The following TECPR2 variants were observed in gnomAD, a reference collection of about 807,000 sequenced individuals.
TECPR2 encodes tectonin beta-propeller repeat-containing protein 2.
Under a neutral mutation model 138.1 loss-of-function variants are expected in TECPR2, and 65 were observed. The observed-to-expected ratio is 0.47, with a 90% CI of 0.39 to 0.58. TECPR2 has a LOEUF of 0.58. Among genes scored for constraint, TECPR2 ranks in the 20% least tolerant of loss-of-function variants. TECPR2 has a pLI of 0.00. For synonymous variants in TECPR2, 746 were observed against 749.8 expected (o/e 0.99, Z 0.08); for missense variants, 1,553 against 1,824.5 (o/e 0.85, Z 2.71).
intron 17 of TECPR2, among the ~76,000 whole-genome samples, chr14:102,466,012 A>G (rs1041708901): frequency 6.6e-6 from 1 of 152,152 alleles, no homozygotes; most frequent in African/African-American, 2.4e-5. Context: ...GAAGTTGCCA[A>G]TTGTGGAGGC....
At chr14:102,490,227 G>A (rs1321052187) in intron 17 of TECPR2, among the ~76,000 whole-genome samples, 3 of 152,184 alleles carry the variant, frequency 2.0e-5, no homozygotes, top group Non-Finnish European at 2.9e-5. Context: ...CTCTCAGACC[G>A]TAAGAAATCG....
intron 2 of TECPR2, among the ~76,000 whole-genome samples, chr14:102,384,232 A>AT (rs928064846): frequency 1.7e-4 from 25 of 151,260 alleles, no homozygotes; most frequent in Admixed American, 1.2e-3. Context: ...AGTTGTTTTT[A>AT]TTTTTTTACT....
At chr14:102,437,877 GTTGGGAGAAGGGTTGAC>G in intron 9 of TECPR2, 128 bp from the exon 10 acceptor site, 1 of 906,052 alleles carries the variant, frequency 1.1e-6, no homozygotes, top group Admixed American at 2.4e-5. Flanking sequence ...GATAGCAGGG[GTTGGGAGAAGGGTTGAC>G]TTGGCGTCTT....
rs1890174057 is a variant in TECPR2 at position 102,452,575 on chromosome 14, C to T, written c.3588C>T (p.Ser1196=). Residue 1196 remains serine (S), a synonymous_variant, in exon 16 of 20, where the codon TCC becomes TCT. Transcript: ENST00000359520. ...GCCAGGTGTTCATCAGGACGCTCTC[C>T]AAGAGCTGCCCCACGGGCATGCACT... The part of the protein sequence containing the change: ...SLGQVFIRTL[S]KSCPTGMHWT... The T allele has an allele frequency of 1.9e-6, 3 of 1,608,882 alleles. No homozygotes were observed. The East Asian group carries it at 6.7e-5, about 36-fold the overall frequency.
At chr14:102,489,469 G>T (rs556001466) in intron 17 of TECPR2, among the ~76,000 whole-genome samples, 15 of 151,954 alleles carry the variant, frequency 9.9e-5, no homozygotes, top group African/African-American at 3.1e-4. Flanking sequence ...TACTTTGGGA[G>T]GCTAAGGTGG....
At chr14:102,466,579 C>T (rs375806384) in intron 17 of TECPR2, among the ~76,000 whole-genome samples, 4 of 152,174 alleles carry the variant, frequency 2.6e-5, no homozygotes, top group East Asian at 1.9e-4. Context: ...TCTGGTTGCC[C>T]GCACCCAGGT....
Position 102,493,859 on chromosome 14 carries a change from A to G in TECPR2, c.3790-3120A>G, listed in dbSNP as rs181507113. On this transcript the variant is annotated intron_variant, in intron 17 of 19. Transcript: ENST00000359520. ...GCGTGGAAAGTGGCTCGGGCTTCCAATGCCGCTCTGCTTTAAGCTGGGACC... is the reference window on the plus strand; with the variant it reads ...GCGTGGAAAGTGGCTCGGGCTTCCAGTGCCGCTCTGCTTTAAGCTGGGACC... 5.8e-4 allele frequency among the ~76,000 whole-genome samples: 89 copies of G among 152,254 alleles called. 1 individual carries two copies. Among genetic ancestry groups the G allele is most frequent in the African/African-American group, 1.7e-3 (72 of 41,546 alleles).
At chr14:102,395,784 C>T (rs955559718) in intron 2 of TECPR2, among the ~76,000 whole-genome samples, 3 of 152,128 alleles carry the variant, frequency 2.0e-5, no homozygotes, top group East Asian at 1.9e-4. Flanking sequence ...GGCGACAGAG[C>T]GAGACTCTGT....
rs1426772396 is a variant in TECPR2, at chr14:102,499,422, T to C, written c.*1165T>C. ...TTCCGAAAACAGTGGAAGCCCTTTG[T>C]TCCTTCCCGGGTTTGTCCTGAGCCT... is the stretch of plus-strand genomic sequence containing the variant. On this transcript the variant is annotated 3_prime_UTR_variant, in exon 20 of 20. Transcript: ENST00000359520. The C allele has an allele frequency of 1.7e-6, 1 of 573,482 alleles. No homozygotes were observed. Among genetic ancestry groups the C allele is most frequent in the African/African-American group, 1.9e-5 (1 of 53,304 alleles). The allele number at this position is 573,482 out of a possible 1,614,324, so 35.5% of individuals were successfully genotyped here.
At chr14:102,490,891 T>C (rs1428620192) in intron 17 of TECPR2, among the ~76,000 whole-genome samples, 1 of 152,188 alleles carries the variant, frequency 6.6e-6, no homozygotes, top group Non-Finnish European at 1.5e-5. Context: ...TCCTCTTTTT[T>C]TGTTTTTTTG....
intron 1 of TECPR2, among the ~76,000 whole-genome samples, chr14:102,374,516 C>A (rs1301037301): frequency 6.6e-6 from 1 of 152,146 alleles, no homozygotes; most frequent in Non-Finnish European, 1.5e-5. Flanking sequence ...AATCCCAGCA[C>A]TTGGGGAAGC....
chr14:102,405,972 A>G (rs1433624630), intron 2 of TECPR2, among the ~76,000 whole-genome samples: 5 of 151,988 alleles, frequency 3.3e-5, no homozygotes, highest in Non-Finnish European at 5.9e-5. Flanking sequence ...AGGTATTTAG[A>G]GTATTCAAAA....
intron 17 of TECPR2, among the ~76,000 whole-genome samples, chr14:102,477,655 A>G (rs1385973684): frequency 4.2e-5 from 6 of 142,330 alleles, no homozygotes; most frequent in Non-Finnish European, 9.1e-5. Flanking sequence ...GGTTCATACC[A>G]TTCTCCTGCC....
chr14:102,417,374 C>T (rs765066685), intron 5 of TECPR2, among the ~76,000 whole-genome samples: 5 of 152,168 alleles, frequency 3.3e-5, no homozygotes, highest in Admixed American at 6.5e-5. Context: ...ACAGCAAGTA[C>T]GGAGGCATCC....
chr14:102,452,716 G>C, intron 16 of TECPR2, 89 bp downstream of exon 16: 1 of 1,052,562 alleles, frequency 9.5e-7, no homozygotes, highest in Non-Finnish European at 1.4e-6. Flanking sequence ...TGCCCGGCCT[G>C]TGTCCAACCT....
intron 17 of TECPR2, among the ~76,000 whole-genome samples, chr14:102,492,864 T>C (rs1018937916): frequency 1.3e-5 from 2 of 152,246 alleles, no homozygotes; most frequent in Non-Finnish European, 2.9e-5. Flanking sequence ...GTAAAGGCTG[T>C]TAATGGGCGG....
intron 2 of TECPR2, among the ~76,000 whole-genome samples, chr14:102,400,664 C>T (rs554217783): frequency 1.3e-5 from 2 of 152,152 alleles, no homozygotes; most frequent in South Asian, 2.1e-4. Context: ...TTTTAATGTA[C>T]CCCCAAAAAT....
intron 14 of TECPR2, 43 bp from the exon 15 acceptor site, chr14:102,450,517 T>C: frequency 3.1e-6 from 5 of 1,601,856 alleles, no homozygotes; most frequent in East Asian, 4.5e-5. Flanking sequence ...GTTTTGTCTA[T>C]GCTTTCTTTC....
chr14:102,461,552 C>T (rs76730165), intron 16 of TECPR2, among the ~76,000 whole-genome samples: 6 of 152,218 alleles, frequency 3.9e-5, no homozygotes, highest in Non-Finnish European at 7.3e-5. Flanking sequence ...AAAGCAGGGA[C>T]AGACAGGAAA....
Sources: allele counts gnomAD v4.1 joint callset (sites outside exome capture counted in the v4.1 genomes callset), GRCh38; gene constraint gnomAD v4.1.1; transcripts MANE v1.5; gene names NCBI Gene and HGNC (gene_info 2026-07-23, HGNC 2026-07-21).